The following ANO5 variants were observed in gnomAD, a reference collection of about 807,000 sequenced individuals.
ANO5 encodes the protein anoctamin-5.
A neutral mutation model predicts 121.0 loss-of-function variants in ANO5; 109 were observed. The ratio of observed to expected loss-of-function variants is 0.90; its 90% CI spans 0.77 to 1.06. The LOEUF (loss-of-function observed/expected upper bound fraction) is 1.06. Ranked by LOEUF, ANO5 falls within the 50% of genes least tolerant of loss-of-function variation. The probability of loss-of-function intolerance (pLI) is 0.00; values close to 1 mark genes in which losing one functional copy is unlikely to be tolerated. For synonymous variants in ANO5, 406 were observed against 359.9 expected (o/e 1.13, Z -1.45); for missense variants, 1,064 against 1,078.5 (o/e 0.99, Z 0.19).
intron 5 of ANO5, among the ~76,000 whole-genome samples, chr11:22,223,540 T>TAA (rs1260835451): frequency 3.3e-5 from 5 of 151,988 alleles, no homozygotes; most frequent in African/African-American, 1.2e-4. Flanking sequence ...ACACTGTTTG[T>TAA]AAAAACAGTA....
At chr11:22,259,828 C>G (rs923879554) in intron 15 of ANO5, 87 bp downstream of exon 15, 54 of 1,322,270 alleles carry the variant, frequency 4.1e-5, no homozygotes, top group Admixed American at 2.3e-4. Flanking sequence ...TCCAGGAGTT[C>G]ATTTTCAAAG....
intron 1 of ANO5, among the ~76,000 whole-genome samples, chr11:22,196,306 A>G (rs1202865204): frequency 6.6e-6 from 1 of 152,142 alleles, no homozygotes; most frequent in African/African-American, 2.4e-5. Flanking sequence ...TTAGGAACCC[A>G]ATTCTAATGT....
intron 15 of ANO5, chr11:22,261,596 C>T (rs113892016): frequency 0.13 from 19,733 of 156,466 alleles, 3,651 homozygotes; most frequent in African/African-American, 0.41. Flanking sequence ...ACCTGGGAGG[C>T]GGAGGTTCCA....
At chr11:22,232,114 G>A (rs538259470) in intron 7 of ANO5, among the ~76,000 whole-genome samples, 6 of 152,114 alleles carry the variant, frequency 3.9e-5, no homozygotes, top group African/African-American at 1.4e-4. Context: ...TTATAAAAAT[G>A]CAATCATACA....
At chr11:22,222,372 C>A (rs116414383) in intron 5 of ANO5, among the ~76,000 whole-genome samples, 1 of 151,858 alleles carries the variant, frequency 6.6e-6, no homozygotes, top group Non-Finnish European at 1.5e-5. Context: ...ACACTCTGGC[C>A]TCTCTGTTCC....
intron 1 of ANO5, among the ~76,000 whole-genome samples, chr11:22,197,581 C>T (rs777498338): frequency 7.9e-5 from 12 of 152,032 alleles, no homozygotes; most frequent in Non-Finnish European, 1.6e-4. Context: ...CTAAGCCATC[C>T]GTCTTTAGTA....
At chr11:22,208,666 G>A (rs1852191670) in intron 2 of ANO5, among the ~76,000 whole-genome samples, 1 of 151,962 alleles carries the variant, frequency 6.6e-6, no homozygotes, top group African/African-American at 2.4e-5. Flanking sequence ...CAGAGACATT[G>A]TACTCATGTC....
chr11:22,220,797 A>G (rs1257895932), intron 4 of ANO5, among the ~76,000 whole-genome samples: 3 of 151,970 alleles, frequency 2.0e-5, no homozygotes, highest in Non-Finnish European at 2.9e-5. Context: ...GATGAAGGGA[A>G]CAAGTCAGTC....
At position 22,225,863 on chromosome 11, in the gene ANO5, A is replaced by C; in HGVS notation, c.295-121A>C. On this transcript the variant is annotated intron_variant, in intron 5 of 21. Coordinates refer to ENST00000324559, the MANE Select transcript of ANO5 (RefSeq NM_213599.3). ...ACATTCAGATGGAGCATTTTTATAT[A>C]CAACCATGGGAGGGGCAGAGAGCCA... 9 of 711,704 alleles carry C rather than the reference A, an allele frequency of 1.3e-5. No homozygotes were observed. In the Middle Eastern group the frequency reaches 2.0e-3, roughly 157 times the overall value. The allele number at this position is 711,704 out of a possible 1,614,324, so 44.1% of individuals were successfully genotyped here. A position where few individuals can be genotyped will look rare whatever the true frequency, so the allele number is the denominator to read the frequency against.
At chr11:22,223,008 T>C (rs1411659374) in intron 5 of ANO5, among the ~76,000 whole-genome samples, 1 of 152,030 alleles carries the variant, frequency 6.6e-6, no homozygotes, top group Non-Finnish European at 1.5e-5. Context: ...CCTATAAATT[T>C]CTACCATCAC....
intron 1 of ANO5, among the ~76,000 whole-genome samples, chr11:22,200,205 A>T (rs558285734): frequency 6.6e-6 from 1 of 152,232 alleles, no homozygotes; most frequent in South Asian, 2.1e-4. Context: ...TTCATTTGCA[A>T]CTCAAATTTT....
At chr11:22,250,168 A>G in intron 9 of ANO5, 69 bp from the exon 10 acceptor site, 2 of 1,426,946 alleles carry the variant, frequency 1.4e-6, no homozygotes, top group East Asian at 4.7e-5. Flanking sequence ...GCCTGTCTGA[A>G]TACAAAATCA....
At chr11:22,276,223 C>T in intron 21 of ANO5, 24 bp downstream of exon 21, 3 of 1,541,452 alleles carry the variant, frequency 1.9e-6, no homozygotes, top group Non-Finnish European at 1.8e-6. Flanking sequence ...AACTTTCATT[C>T]GAGTTACTCT....
At chr11:22,197,579 T>G (rs556992784) in intron 1 of ANO5, among the ~76,000 whole-genome samples, 2 of 152,334 alleles carry the variant, frequency 1.3e-5, no homozygotes, top group South Asian at 2.1e-4. Flanking sequence ...AACTAAGCCA[T>G]CCGTCTTTAG....
chr11:22,220,889 C>T (rs1564919732), intron 4 of ANO5, among the ~76,000 whole-genome samples: 1 of 151,838 alleles, frequency 6.6e-6, no homozygotes, highest in Non-Finnish European at 1.5e-5. Flanking sequence ...GTTGTATGTG[C>T]ATGTAGTTAA....
intron 9 of ANO5, among the ~76,000 whole-genome samples, 166 bp downstream of exon 9, chr11:22,239,850 C>A (rs566993498): frequency 5.9e-5 from 9 of 152,086 alleles, no homozygotes; most frequent in African/African-American, 2.2e-4. Flanking sequence ...AATGTTGTTG[C>A]TAAACTGATG....
chr11:22,242,490 G>A (rs1369983172), intron 9 of ANO5, among the ~76,000 whole-genome samples: 1 of 152,038 alleles, frequency 6.6e-6, no homozygotes, highest in African/African-American at 2.4e-5. Flanking sequence ...GGGCAGTATG[G>A]CCATTTTAAT....
intron 9 of ANO5, among the ~76,000 whole-genome samples, chr11:22,241,382 C>T (rs1853427144): frequency 6.6e-6 from 1 of 151,720 alleles, no homozygotes; most frequent in Admixed American, 6.6e-5. Flanking sequence ...TTTGGTAGAA[C>T]AATTTATATT....
rs771614608 is a variant in ANO5, at chr11:22,211,257, C to T, written c.88-7C>T. 3.1e-6 allele frequency: 5 copies of T among 1,611,832 alleles called. No homozygotes were observed. In the South Asian group the frequency reaches 5.5e-5, roughly 18 times the overall value. Reference sequence around the variant, plus strand: ...AATAGCATTATATCTTCCCCTGGTACTGTTAGCAGAGCCTGAGCAGCAGAG... The same window carrying T: ...AATAGCATTATATCTTCCCCTGGTATTGTTAGCAGAGCCTGAGCAGCAGAG... On this transcript the variant is annotated splice_polypyrimidine_tract_variant and splice_region_variant and intron_variant, in intron 2 of 21. Coordinates refer to ENST00000324559, the MANE Select transcript of ANO5 (RefSeq NM_213599.3).
Sources: allele counts gnomAD v4.1 joint callset (sites outside exome capture counted in the v4.1 genomes callset), GRCh38; gene constraint gnomAD v4.1.1; transcripts MANE v1.5; gene names NCBI Gene and HGNC (gene_info 2026-07-23, HGNC 2026-07-21).